The following RIMS2 variants were observed in gnomAD, a reference collection of about 807,000 sequenced individuals.
RIMS2 encodes regulating synaptic membrane exocytosis protein 2.
A neutral mutation model predicts 174.4 loss-of-function variants in RIMS2; 59 were observed. The ratio of observed to expected loss-of-function variants is 0.34; its 90% CI spans 0.27 to 0.42. The LOEUF is 0.42. Ranked by LOEUF, RIMS2 falls within the 10% of genes least tolerant of loss-of-function variation. The pLI, the probability that RIMS2 is intolerant of heterozygous loss-of-function variation, is 1.00. For synonymous variants in RIMS2, 606 were observed against 572.5 expected (o/e 1.06, Z -0.84); for missense variants, 1,620 against 1,666.3 (o/e 0.97, Z 0.48).
chr8:103,806,278 T>TG (rs2098649358), intron 3 of RIMS2, among the ~76,000 whole-genome samples: 1 of 152,206 alleles, frequency 6.6e-6, no homozygotes, highest in Non-Finnish European at 1.5e-5. Context: ...TCTTCAAGGC[T>TG]GAAGGCCTTG....
intron 1 of RIMS2, among the ~76,000 whole-genome samples, chr8:103,524,391 G>A (rs1032170197): frequency 6.6e-6 from 1 of 152,072 alleles, no homozygotes. Flanking sequence ...GCCACCGAAA[G>A]TTGTGTGATT....
At chr8:104,175,336 A>G (rs1176237280) in intron 19 of RIMS2, among the ~76,000 whole-genome samples, 1 of 151,742 alleles carries the variant, frequency 6.6e-6, no homozygotes, top group African/African-American at 2.4e-5. Context: ...TTGTAGGTGT[A>G]TATATTTGTG....
At chr8:103,635,938 G>A (rs2096064959) in intron 1 of RIMS2, among the ~76,000 whole-genome samples, 1 of 150,892 alleles carries the variant, frequency 6.6e-6, no homozygotes, top group South Asian at 2.1e-4. Context: ...GGCCTTAGTT[G>A]GGAGGTCTTG....
intron 1 of RIMS2, among the ~76,000 whole-genome samples, chr8:103,530,504 TC>T (rs1326487350): frequency 6.6e-6 from 1 of 152,082 alleles, no homozygotes; most frequent in African/African-American, 2.4e-5. Flanking sequence ...ATGAGATGTG[TC>T]TAAAATCTCT....
At chr8:104,227,935 A>T (rs1405728944) in intron 19 of RIMS2, among the ~76,000 whole-genome samples, 3 of 152,162 alleles carry the variant, frequency 2.0e-5, no homozygotes, top group Non-Finnish European at 4.4e-5. Flanking sequence ...TGTGATAGTG[A>T]AGCTATGAGG....
chr8:103,809,429 G>T (rs1160339667), intron 3 of RIMS2, among the ~76,000 whole-genome samples: 1 of 151,940 alleles, frequency 6.6e-6, no homozygotes, highest in Non-Finnish European at 1.5e-5. Context: ...AAAAACCCCT[G>T]TAAGGGCTGG....
chr8:103,669,503 G>A (rs148901579), intron 1 of RIMS2, among the ~76,000 whole-genome samples: 5 of 152,296 alleles, frequency 3.3e-5, no homozygotes, highest in African/African-American at 1.2e-4. Flanking sequence ...TTTGAGACAA[G>A]GCAAGTCCCT....
At chr8:103,872,308 A>AT (rs1565032504) in intron 3 of RIMS2, among the ~76,000 whole-genome samples, 2 of 152,244 alleles carry the variant, frequency 1.3e-5, no homozygotes, top group South Asian at 2.1e-4. Flanking sequence ...ACCTGCACAT[A>AT]TTTTTTGTTC....
chr8:104,248,891 T>TTCTCTCTCTCTCCCTC, intron 21 of RIMS2, 78 bp downstream of exon 27: 1 of 626,516 alleles, frequency 1.6e-6, no homozygotes, highest in Non-Finnish European at 2.8e-6. Flanking sequence ...TCATAGAATC[T>TTCTCTCTCTCTCCCTC]TCTCTCTCTC....
intron 3 of RIMS2, among the ~76,000 whole-genome samples, chr8:103,814,653 T>C (rs951772435): frequency 2.6e-5 from 4 of 151,936 alleles, no homozygotes; most frequent in Non-Finnish European, 5.9e-5. Flanking sequence ...GGAGGGAGGA[T>C]TGATTGAGGC....
chr8:103,655,091 G>A (rs527890594), intron 1 of RIMS2, among the ~76,000 whole-genome samples: 2 of 151,968 alleles, frequency 1.3e-5, no homozygotes, highest in African/African-American at 4.8e-5. Flanking sequence ...TTTGGCAATT[G>A]ATGTGAAATT....
chr8:103,621,233 C>T (rs1197020892), intron 1 of RIMS2, among the ~76,000 whole-genome samples: 1 of 152,186 alleles, frequency 6.6e-6, no homozygotes, highest in Non-Finnish European at 1.5e-5. Flanking sequence ...CACCCACCAG[C>T]AGTTTTGCCA....
rs762211443 is a variant in RIMS2 at position 103,675,736 on chromosome 8, C to T, written c.177-21350C>T. Reference sequence around the variant, plus strand: ...TTTTTTACCAACAATTTTAAAACTCCTTTTTTTTTTACAAAGTATCAGCAC... The same window carrying T: ...TTTTTTACCAACAATTTTAAAACTCTTTTTTTTTTTACAAAGTATCAGCAC... On this transcript the variant is annotated intron_variant, in intron 1 of 23. Coordinates refer to ENST00000504942, the Ensembl canonical transcript of RIMS2. Among the ~76,000 whole-genome samples, 747 of 149,368 alleles carry T rather than the reference C, an allele frequency of 5.0e-3. 6 individuals are homozygous for T. The highest frequency in any genetic ancestry group is 0.018 in the South Asian group (84 of 4,690).
intron 19 of RIMS2, among the ~76,000 whole-genome samples, chr8:104,028,989 A>G (rs1391852300): frequency 1.3e-5 from 2 of 152,230 alleles, no homozygotes; most frequent in Non-Finnish European, 2.9e-5. Context: ...ATGCTAAACA[A>G]GAGGTGGATT....
chr8:104,075,404 A>AT (rs1259539758), intron 19 of RIMS2, among the ~76,000 whole-genome samples: 2 of 152,200 alleles, frequency 1.3e-5, no homozygotes, highest in African/African-American at 4.8e-5. Context: ...TTGGGTTCAG[A>AT]TTTTCAAAAA....
At chr8:103,937,022 C>G (rs181073218) in intron 13 of RIMS2, among the ~76,000 whole-genome samples, 1 of 151,518 alleles carries the variant, frequency 6.6e-6, no homozygotes, top group East Asian at 1.9e-4. Flanking sequence ...GGCGTGAGCC[C>G]GGGAGGCAGA....
chr8:103,703,245 G>C lies in RIMS2; in HGVS notation c.387+5949G>C, dbSNP rs559474029. ...ATTGTTTTTGTTTGTTTGTTTGTTT[G>C]TTTTGTTTTTAAGACAAAGTCTTCC... On this transcript the variant is annotated intron_variant, in intron 2 of 23. Transcript: ENST00000504942. Among the ~76,000 whole-genome samples the C allele has an allele frequency of 2.0e-5, 3 of 151,168 alleles. No individual in the cohort carries two copies. The East Asian group carries it at 5.8e-4, about 29-fold the overall frequency.
chr8:103,562,661 C>A (rs913743424), intron 1 of RIMS2, among the ~76,000 whole-genome samples: 1 of 152,138 alleles, frequency 6.6e-6, no homozygotes. Flanking sequence ...AGGACGGTGG[C>A]CCTCTTCTCA....
intron 3 of RIMS2, among the ~76,000 whole-genome samples, chr8:103,812,517 G>A (rs1416787947): frequency 2.6e-5 from 4 of 151,876 alleles, no homozygotes; most frequent in Non-Finnish European, 5.9e-5. Context: ...GAGTAGCTGG[G>A]ATTACAGGCG....
Sources: gnomAD v4.1 joint callset for allele counts (sites outside exome capture counted in the v4.1 genomes callset) on GRCh38, gnomAD v4.1.1 for gene constraint, MANE v1.5 for transcripts, NCBI Gene and HGNC (gene_info 2026-07-23, HGNC 2026-07-21) for gene names.